The following RIMS2 variants were observed in gnomAD, a reference collection of about 807,000 sequenced individuals.
RIMS2 encodes the protein regulating synaptic membrane exocytosis 2.
RIMS2 carries 59 observed loss-of-function variants against 174.4 expected under a neutral mutation model. That is an observed-to-expected ratio of 0.34 (90% CI 0.27 to 0.42). The LOEUF (loss-of-function observed/expected upper bound fraction) is 0.42. Among genes scored for constraint, RIMS2 ranks in the 10% least tolerant of loss-of-function variants. The pLI, the probability that RIMS2 is intolerant of heterozygous loss-of-function variation, is 1.00. For missense variants in RIMS2, 1,620 were observed against 1,666.3 expected, an observed-to-expected ratio of 0.97 and a Z score of 0.48; for synonymous variants, 606 against 572.5, an observed-to-expected ratio of 1.06 and a Z score of -0.84.
At chr8:104,068,150 A>G (rs1029241839) in intron 19 of RIMS2, among the ~76,000 whole-genome samples, 16 of 152,324 alleles carry the variant, frequency 1.1e-4, no homozygotes, top group African/African-American at 3.8e-4. Context: ...ATAAATCATG[A>G]TGAATTAAAA....
intron 1 of RIMS2, among the ~76,000 whole-genome samples, chr8:103,540,194 C>T (rs1014416508): frequency 1.3e-5 from 2 of 152,228 alleles, no homozygotes; most frequent in Non-Finnish European, 2.9e-5. Flanking sequence ...AGGTGCCACT[C>T]ATCTGACACT....
chr8:103,770,401 C>A (rs2154427387), intron 3 of RIMS2, among the ~76,000 whole-genome samples: 1 of 152,232 alleles, frequency 6.6e-6, no homozygotes, highest in East Asian at 1.9e-4. Context: ...CTTGGTGAAA[C>A]CCCGTCTTTA....
chr8:103,975,947 C>T (rs2093380201), intron 16 of RIMS2: 1 of 153,446 alleles, frequency 6.5e-6, no homozygotes, highest in Non-Finnish European at 1.5e-5. Flanking sequence ...CCGCTTTGTT[C>T]CAGCTGCATT....
chr8:104,254,716 A>G (rs1167515080), downstream of RIMS2: 1 of 152,184 alleles, frequency 6.6e-6, no homozygotes, highest in Non-Finnish European at 1.5e-5. Context: ...TTTTGAGTGA[A>G]ATTTTTAATT....
rs184312310 is a variant in RIMS2, at chr8:103,737,893, C to T, written c.388-28334C>T. On this transcript the variant is annotated intron_variant, in intron 2 of 23. Coordinates refer to ENST00000504942, the Ensembl canonical transcript of RIMS2. ...TAGGGTGTTACTTCCATCAACATCA[C>T]CTACTCTCATCATATCACTCTGATT... Among the ~76,000 whole-genome samples the T allele has an allele frequency of 6.6e-5, 10 of 152,280 alleles. No homozygotes were observed. In the East Asian group the frequency reaches 1.9e-3, roughly 29 times the overall value.
At chr8:104,110,339 T>C (rs1361315714) in intron 19 of RIMS2, among the ~76,000 whole-genome samples, 1 of 152,172 alleles carries the variant, frequency 6.6e-6, no homozygotes, top group Admixed American at 6.5e-5. Flanking sequence ...AGTGAAACTC[T>C]TTCAGCCTTA....
intron 3 of RIMS2, among the ~76,000 whole-genome samples, chr8:103,785,931 A>C (rs897437854): frequency 9.9e-5 from 15 of 152,232 alleles, no homozygotes; most frequent in Non-Finnish European, 1.5e-4. Flanking sequence ...GCTATTGATT[A>C]TTGCCACAAT....
intron 4 of RIMS2, among the ~76,000 whole-genome samples, chr8:103,906,129 C>G (rs1412545538): frequency 6.6e-6 from 1 of 152,082 alleles, no homozygotes; most frequent in Non-Finnish European, 1.5e-5. Flanking sequence ...GTTTTTAGGA[C>G]TATTTTCTAT....
chr8:103,502,665 G>A (rs910950658), intron 1 of RIMS2, among the ~76,000 whole-genome samples: 13 of 151,982 alleles, frequency 8.6e-5, no homozygotes, highest in African/African-American at 2.9e-4. Flanking sequence ...ACAATGCCAA[G>A]CTTTTGATGA....
intron 10 of RIMS2, among the ~76,000 whole-genome samples, chr8:103,924,952 C>T (rs2078468062): frequency 6.6e-6 from 1 of 151,508 alleles, no homozygotes; most frequent in African/African-American, 2.4e-5. Flanking sequence ...GCCAAGTAGG[C>T]TGTTTGTTAG....
At chr8:103,676,621 A>G (rs1200662477) in intron 1 of RIMS2, among the ~76,000 whole-genome samples, 2 of 150,690 alleles carry the variant, frequency 1.3e-5, no homozygotes, top group Non-Finnish European at 3.0e-5. Context: ...ATACTGAAAT[A>G]TTTTTAGAAG....
chr8:103,532,583 G>A (rs1563669357), intron 1 of RIMS2, among the ~76,000 whole-genome samples: 1 of 152,224 alleles, frequency 6.6e-6, no homozygotes, highest in Non-Finnish European at 1.5e-5. Flanking sequence ...TTGGAGCAAA[G>A]CTATGCTCAT....
chr8:104,091,214 G>T (rs1456088469), intron 19 of RIMS2, among the ~76,000 whole-genome samples: 1 of 151,732 alleles, frequency 6.6e-6, no homozygotes, highest in Non-Finnish European at 1.5e-5. Flanking sequence ...GGCTCTTAAT[G>T]ATTACATTAT....
intron 3 of RIMS2, among the ~76,000 whole-genome samples, chr8:103,803,578 G>A (rs997097919): frequency 1.3e-5 from 2 of 152,144 alleles, no homozygotes; most frequent in African/African-American, 4.8e-5. Context: ...TGTACAATGA[G>A]ACTTACCCTT....
At chr8:103,587,452 G>GA (rs1489799161) in intron 1 of RIMS2, among the ~76,000 whole-genome samples, 1 of 122,288 alleles carries the variant, frequency 8.2e-6, no homozygotes, top group Non-Finnish European at 1.8e-5. Flanking sequence ...AAGAAAGAAA[G>GA]AAAGAAAGAA....
At chr8:103,879,758 T>C (rs771388575) in intron 3 of RIMS2, among the ~76,000 whole-genome samples, 1 of 151,640 alleles carries the variant, frequency 6.6e-6, no homozygotes, top group Non-Finnish European at 1.5e-5. Flanking sequence ...CTTTTTCTAC[T>C]CGTCTAACAC....
intron 19 of RIMS2, among the ~76,000 whole-genome samples, chr8:104,208,424 C>T (rs1416270096): frequency 1.3e-5 from 2 of 151,690 alleles, no homozygotes; most frequent in Non-Finnish European, 2.9e-5. Context: ...AAAAATTAGC[C>T]GGGCGCAATG....
chr8:103,602,620 C>T (rs2094814912), intron 1 of RIMS2, among the ~76,000 whole-genome samples: 2 of 152,176 alleles, frequency 1.3e-5, no homozygotes, highest in Non-Finnish European at 2.9e-5. Context: ...ATCCATATTG[C>T]TGCAAAGGAT....
At chr8:103,658,279 T>G (rs2096555651) in intron 1 of RIMS2, among the ~76,000 whole-genome samples, 1 of 152,250 alleles carries the variant, frequency 6.6e-6, no homozygotes, top group Admixed American at 6.5e-5. Context: ...GATTTTTGCC[T>G]TCTCTTAGGT....
Sources: gnomAD v4.1 joint callset for allele counts (sites outside exome capture counted in the v4.1 genomes callset) on GRCh38, gnomAD v4.1.1 for gene constraint, MANE v1.5 for transcripts, NCBI Gene and HGNC (gene_info 2026-07-23, HGNC 2026-07-21) for gene names.